Variants in DNAH17 observed in about 807,000 individuals in gnomAD.
DNAH17 encodes the protein dynein axonemal heavy chain 17.
DNAH17 carries 376 observed loss-of-function variants against 485.6 expected under a neutral mutation model. The ratio of observed to expected loss-of-function variants is 0.77; its 90% CI spans 0.71 to 0.84. The LOEUF is 0.84. Ranked by LOEUF, DNAH17 falls within the 40% of genes least tolerant of loss-of-function variation. DNAH17 has a pLI of 0.00. For synonymous variants in DNAH17, 3,031 were observed against 2,405.9 expected, an observed-to-expected ratio of 1.26 and a Z score of -7.60; for missense variants, 6,370 against 5,839.3, an observed-to-expected ratio of 1.09 and a Z score of -2.96.
chr17:78,501,452 C>G (rs1255521997), intron 34 of DNAH17, 108 bp from the exon 35 acceptor site: 24 of 1,312,900 alleles, frequency 1.8e-5, no homozygotes, highest in Non-Finnish European at 2.4e-5. Context: ...CCAGGGAACC[C>G]TCCCTGGCCC....
At chr17:78,426,753 A>C in intron 78 of DNAH17, 153 bp from the exon 79 acceptor site, 1 of 1,309,024 alleles carries the variant, frequency 7.6e-7, no homozygotes, top group Non-Finnish European at 1.1e-6. Flanking sequence ...CTTCCTGCTA[A>C]GGAACGGTCT....
At chr17:78,455,407 C>G (rs1899486844) in intron 63 of DNAH17, among the ~76,000 whole-genome samples, 1 of 151,784 alleles carries the variant, frequency 6.6e-6, no homozygotes, top group African/African-American at 2.4e-5. Context: ...CTCACTGCAA[C>G]CTCCGCCTCC....
intron 10 of DNAH17, 106 bp downstream of exon 10, chr17:78,566,893 G>A: frequency 4.3e-6 from 6 of 1,405,764 alleles, no homozygotes; most frequent in East Asian, 2.4e-5. Flanking sequence ...GGGATCACCT[G>A]GCACCTGCTT....
intron 13 of DNAH17, among the ~76,000 whole-genome samples, chr17:78,560,484 C>T (rs545533573): frequency 3.3e-5 from 5 of 152,042 alleles, no homozygotes; most frequent in African/African-American, 1.2e-4. Flanking sequence ...CTTTTTCCCC[C>T]CCCCCAGTTT....
At chr17:78,539,683 C>G in intron 18 of DNAH17, 54 bp downstream of exon 18, 2 of 1,416,126 alleles carry the variant, frequency 1.4e-6, no homozygotes, top group Non-Finnish European at 9.4e-7. Context: ...ACTATAGATT[C>G]TAACAGATAA....
intron 72 of DNAH17, among the ~76,000 whole-genome samples, chr17:78,440,814 T>A (rs1378217745): frequency 1.3e-5 from 2 of 152,248 alleles, no homozygotes; most frequent in Non-Finnish European, 2.9e-5. Context: ...ACCACCAGAC[T>A]GTTTTCCACA....
At chr17:78,468,075 C>T (rs2088566679) in intron 55 of DNAH17, among the ~76,000 whole-genome samples, 1 of 53,244 alleles carries the variant, frequency 1.9e-5, no homozygotes, top group South Asian at 8.6e-4. Context: ...TCTACTTAAA[C>T]TAGCTGTGTG....
chr17:78,501,122 C>A, intron 35 of DNAH17, 62 bp downstream of exon 35: 2 of 1,501,818 alleles, frequency 1.3e-6, no homozygotes, highest in Non-Finnish European at 9.0e-7. Context: ...CGGACAGTTC[C>A]AAGAATCATG....
At chr17:78,492,591 C>T (rs1204180050) in intron 42 of DNAH17, 42 bp downstream of exon 42, 1 of 1,608,690 alleles carries the variant, frequency 6.2e-7, no homozygotes, top group Non-Finnish European at 8.5e-7. Flanking sequence ...TGCACTGGAC[C>T]AGGAGTGCCC....
At chr17:78,428,867 C>T (rs1598434548) in intron 76 of DNAH17, among the ~76,000 whole-genome samples, 160 bp from the exon 77 acceptor site, 1 of 150,412 alleles carries the variant, frequency 6.6e-6, no homozygotes, top group Admixed American at 6.7e-5. Flanking sequence ...CCCCTGTGCT[C>T]CCAGCGACAT....
intron 54 of DNAH17, among the ~76,000 whole-genome samples, chr17:78,474,873 C>A (rs2088935835): frequency 6.6e-6 from 1 of 150,710 alleles, no homozygotes; most frequent in African/African-American, 2.5e-5. Context: ...GAAGATTTCA[C>A]ACCCTTCACC....
chr17:78,492,498 C>T (rs2089905125), intron 42 of DNAH17, 135 bp downstream of exon 42: 1 of 1,245,256 alleles, frequency 8.0e-7, no homozygotes, highest in Non-Finnish European at 1.1e-6. Flanking sequence ...ATGGTGCCAC[C>T]ATTGCAGGCC....
In DNAH17 at chr17:78,510,511, G is replaced by T; in HGVS notation, c.4114-5C>A. 2.5e-6 allele frequency: 4 copies of T among 1,613,500 alleles called. No homozygotes were observed. The highest frequency in any genetic ancestry group is 3.4e-6 in the Non-Finnish European group (4 of 1,179,592). ...TTCTGACATTTTAAATTTCACCTAA[G>T]GGAAAAAAATCCAGGCAGGATTCAT... is the stretch of plus-strand genomic sequence containing the variant. On this transcript the variant is annotated splice_region_variant and splice_polypyrimidine_tract_variant and intron_variant, in intron 26 of 80. Transcript: ENST00000389840.
intron 40 of DNAH17, 39 bp from the exon 41 acceptor site, chr17:78,494,212 C>G (rs780316833): frequency 6.3e-7 from 1 of 1,585,732 alleles, no homozygotes. Flanking sequence ...GGAACTGAAG[C>G]AGCTTTTCTT....
chr17:78,570,384 C>T lies in DNAH17; in HGVS notation c.919-12G>A. On this transcript the variant is annotated splice_polypyrimidine_tract_variant and intron_variant, in intron 6 of 80. Transcript: ENST00000389840. ...ATGAAGGTGGGGAGCTGGGGGGAGA[C>T]AGGCCCAGGCACACTGGAGGGGACT... 1 of 1,607,916 alleles carries T rather than the reference C, an allele frequency of 6.2e-7. No homozygotes were observed. The highest frequency in any genetic ancestry group is 1.7e-4 in the Middle Eastern group (1 of 5,784).
chr17:78,576,058 T>C (rs10852712), intron 1 of DNAH17, among the ~76,000 whole-genome samples: 98,877 of 152,022 alleles, frequency 0.65, 32,308 homozygotes, highest in Middle Eastern at 0.73. Context: ...CCCTGGGGTA[T>C]TCAGCTGCTC....
chr17:78,574,946 C>A lies in DNAH17; in HGVS notation c.112G>T (p.Ala38Ser). ...TTTTCAAAGAACTCTGTGAACAGGG[C>A]CACGTTCTCCTCGGCGCCTATCAGC... ...SKLIGAEENV[A>S]LFTEFFEKPD... The change falls in exon 2 of 81, where the codon GCC becomes TCC. Residue 38 changes from alanine (A) to serine (S), a missense_variant. Coordinates refer to ENST00000389840, the MANE Select transcript of DNAH17 (RefSeq NM_173628.4). 6.2e-7 allele frequency: 1 copy of A among 1,614,008 alleles called. No homozygotes were observed. Among genetic ancestry groups the A allele is most frequent in the Non-Finnish European group, 8.5e-7 (1 of 1,179,890 alleles).
chr17:78,491,318 TC>T, intron 43 of DNAH17, 124 bp downstream of exon 43: 1 of 1,379,284 alleles, frequency 7.3e-7, no homozygotes, highest in Non-Finnish European at 9.8e-7. Flanking sequence ...CCTGTGGAGA[TC>T]CAGACACGCC....
chr17:78,550,229 C>CATTA (rs2091868605), intron 16 of DNAH17, among the ~76,000 whole-genome samples: 1 of 143,122 alleles, frequency 7.0e-6, no homozygotes, highest in Non-Finnish European at 1.5e-5. Flanking sequence ...CACAAGGAGG[C>CATTA]ACACGTCTGG....
Sources: allele counts gnomAD v4.1 joint callset (sites outside exome capture counted in the v4.1 genomes callset), GRCh38; gene constraint gnomAD v4.1.1; transcripts MANE v1.5; gene names NCBI Gene and HGNC (gene_info 2026-07-23, HGNC 2026-07-21).